The following CCDC152 variants were observed in gnomAD, a reference collection of about 807,000 sequenced individuals.
The protein encoded by CCDC152 is coiled-coil domain-containing protein 152.
A neutral mutation model predicts 38.1 loss-of-function variants in CCDC152; 37 were observed. The ratio of observed to expected loss-of-function variants is 0.97; its 90% CI spans 0.75 to 1.28. The LOEUF (loss-of-function observed/expected upper bound fraction) is 1.28, where lower values mean the gene tolerates loss of function less well. Ranked by LOEUF, CCDC152 falls within the 50% of genes most tolerant of loss-of-function variation. The pLI is 0.00. For missense variants in CCDC152, 259 were observed against 292.1 expected (o/e 0.89, Z 0.83); for synonymous variants, 83 against 87.1 (o/e 0.95, Z 0.26).
chr5:42,758,345 G>T (rs566192491), intron 1 of CCDC152, among the ~76,000 whole-genome samples: 1 of 152,182 alleles, frequency 6.6e-6, no homozygotes, highest in East Asian at 1.9e-4. Context: ...TTTTACTTTG[G>T]ACTAGTTACC....
At chr5:42,764,841 G>A (rs536029015) in intron 3 of CCDC152, among the ~76,000 whole-genome samples, 33 of 152,304 alleles carry the variant, frequency 2.2e-4, no homozygotes, top group Admixed American at 4.6e-4. Context: ...AAAACTGAAA[G>A]CCTCTCCTCT....
At chr5:42,762,730 C>T (rs1054601541) in intron 3 of CCDC152, among the ~76,000 whole-genome samples, 182 bp downstream of exon 3, 3 of 152,142 alleles carry the variant, frequency 2.0e-5, no homozygotes, top group African/African-American at 7.2e-5. Context: ...TATTATTACT[C>T]TACCTCACCA....
At chr5:42,770,919 C>G (rs976020128) in intron 4 of CCDC152, among the ~76,000 whole-genome samples, 8 of 152,014 alleles carry the variant, frequency 5.3e-5, no homozygotes. Context: ...AATTTCCTTT[C>G]CAGATATTTT....
rs770652251 is a variant in CCDC152 at position 42,769,577 on chromosome 5, ATTTATCT to A, written c.194-14_194-8del. Reference sequence around the variant, plus strand: ...ATGAAAGCAAGGGATTTTAAAATAAATTTATCTTTTATATTTCAGAATGTGCTACTCT... The same window carrying A: ...ATGAAAGCAAGGGATTTTAAAATAAATTTATATTTCAGAATGTGCTACTCT... On this transcript the variant is annotated splice_polypyrimidine_tract_variant and intron_variant, in intron 3 of 8. Transcript: ENST00000361970. 1 of 1,456,606 alleles carries A rather than the reference ATTTATCT, an allele frequency of 6.9e-7. No homozygotes were observed. The highest frequency in any genetic ancestry group is 1.4e-5 in the South Asian group (1 of 71,306). 90.2% of individuals were successfully genotyped at this position (1,456,606 alleles called of 1,614,324 possible).
intron 6 of CCDC152, among the ~76,000 whole-genome samples, chr5:42,788,594 A>C (rs1236034457): frequency 6.6e-6 from 1 of 152,190 alleles, no homozygotes; most frequent in East Asian, 2.0e-4. Context: ...GTAACTGTCC[A>C]AATATTTTTG....
At chr5:42,764,282 C>T (rs192898662) in intron 3 of CCDC152, among the ~76,000 whole-genome samples, 21 of 152,096 alleles carry the variant, frequency 1.4e-4, no homozygotes, top group Admixed American at 1.2e-3. Context: ...TGGTGGCAGG[C>T]GCCTGTAATC....
At chr5:42,764,490 G>A (rs1329090170) in intron 3 of CCDC152, among the ~76,000 whole-genome samples, 1 of 151,956 alleles carries the variant, frequency 6.6e-6, no homozygotes, top group East Asian at 1.9e-4. Flanking sequence ...ATAACTACAG[G>A]CTAATATCTC....
chr5:42,765,373 C>G (rs1399198616), intron 3 of CCDC152, among the ~76,000 whole-genome samples: 2 of 152,062 alleles, frequency 1.3e-5, no homozygotes, highest in East Asian at 3.8e-4. Flanking sequence ...CAATGCCTAT[C>G]AAAATACCAG....
At chr5:42,794,591 C>A (rs1228570292) in intron 6 of CCDC152, among the ~76,000 whole-genome samples, 3 of 152,216 alleles carry the variant, frequency 2.0e-5, no homozygotes, top group Admixed American at 6.5e-5. Flanking sequence ...CACTGCCCAG[C>A]ATCCTATACT....
At chr5:42,763,152 A>T (rs186580748) in intron 3 of CCDC152, among the ~76,000 whole-genome samples, 1 of 152,358 alleles carries the variant, frequency 6.6e-6, no homozygotes, top group East Asian at 1.9e-4. Context: ...GCAGAAAGTA[A>T]GAAAGTCCTC....
At chr5:42,785,958 A>G (rs1759915306) in intron 6 of CCDC152, among the ~76,000 whole-genome samples, 1 of 152,138 alleles carries the variant, frequency 6.6e-6, no homozygotes, top group African/African-American at 2.4e-5. Context: ...CCATCCTTGC[A>G]TCCCTGAAAT....
chr5:42,796,045 A>T (rs942490989), intron 6 of CCDC152, among the ~76,000 whole-genome samples: 3 of 151,202 alleles, frequency 2.0e-5, no homozygotes. Context: ...AACAATGAGA[A>T]CACATGGACA....
chr5:42,784,041 G>C (rs1759885476), intron 6 of CCDC152, among the ~76,000 whole-genome samples: 1 of 152,116 alleles, frequency 6.6e-6, no homozygotes, highest in Non-Finnish European at 1.5e-5. Context: ...GAATAGAACT[G>C]TGATAAACAT....
chr5:42,759,264 C>T (rs1262381305), intron 2 of CCDC152, 56 bp downstream of exon 2: 1 of 1,103,228 alleles, frequency 9.1e-7, no homozygotes, highest in Non-Finnish European at 1.3e-6. Context: ...ACAGATTTTG[C>T]CAAGGGAAGA....
intron 6 of CCDC152, among the ~76,000 whole-genome samples, chr5:42,794,374 A>G (rs886697561): frequency 6.6e-6 from 1 of 152,244 alleles, no homozygotes; most frequent in African/African-American, 2.4e-5. Context: ...ACCTGGCCTG[A>G]GACTTCTAGC....
chr5:42,763,499 G>A (rs747467922), intron 3 of CCDC152, among the ~76,000 whole-genome samples: 1 of 149,648 alleles, frequency 6.7e-6, no homozygotes, highest in African/African-American at 2.6e-5. Flanking sequence ...AAGGGTGAGG[G>A]TAGGGGAAAA....
At chr5:42,767,852 G>A (rs369901407) in intron 3 of CCDC152, among the ~76,000 whole-genome samples, 2 of 152,350 alleles carry the variant, frequency 1.3e-5, no homozygotes, top group South Asian at 2.1e-4. Context: ...TGATGGCAGA[G>A]TCTGTCTATG....
intron 3 of CCDC152, among the ~76,000 whole-genome samples, chr5:42,767,659 A>ATC (rs1446891022): frequency 6.6e-6 from 1 of 152,258 alleles, no homozygotes; most frequent in Non-Finnish European, 1.5e-5. Context: ...TGAAGAATTT[A>ATC]TCTATGCTCC....
chr5:42,795,017 G>A (rs1449783141), intron 6 of CCDC152, among the ~76,000 whole-genome samples: 1 of 152,010 alleles, frequency 6.6e-6, no homozygotes, highest in East Asian at 1.9e-4. Context: ...AACATAAAAT[G>A]TAAAAGCCAA....
Sources: allele counts gnomAD v4.1 joint callset (sites outside exome capture counted in the v4.1 genomes callset), GRCh38; gene constraint gnomAD v4.1.1; transcripts MANE v1.5; gene names NCBI Gene and HGNC (gene_info 2026-07-23, HGNC 2026-07-21).